Variants in ST6GALNAC3 observed in about 807,000 individuals in gnomAD.
ST6GALNAC3 encodes ST6 N-acetylgalactosaminide alpha-2,6-sialyltransferase 3, also known as alpha-N-acetylgalactosaminide alpha-2,6-sialyltransferase 3.
Under a neutral mutation model 32.7 loss-of-function variants are expected in ST6GALNAC3, and 25 were observed. The observed-to-expected ratio is 0.76, with a 90% CI of 0.56 to 1.07. The LOEUF is 1.07. ST6GALNAC3 is among the 50% of genes least tolerant of loss of function. The pLI, the probability that ST6GALNAC3 is intolerant of heterozygous loss-of-function variation, is 0.00. For synonymous variants in ST6GALNAC3, 129 were observed against 133.1 expected (o/e 0.97, Z 0.21); for missense variants, 355 against 382.4 (o/e 0.93, Z 0.60).
At chr1:76,502,670 T>C (rs1661242224) in intron 3 of ST6GALNAC3, among the ~76,000 whole-genome samples, 2 of 152,164 alleles carry the variant, frequency 1.3e-5, no homozygotes, top group Non-Finnish European at 2.9e-5. Flanking sequence ...ATTACCTCTA[T>C]AAAGACCCTA....
chr1:76,472,937 G>A (rs1208436738), intron 3 of ST6GALNAC3, among the ~76,000 whole-genome samples: 1 of 152,002 alleles, frequency 6.6e-6, no homozygotes, highest in African/African-American at 2.4e-5. Flanking sequence ...GGGGGAAGAA[G>A]GATTAATTGA....
chr1:76,608,762 C>A (rs534848649), intron 3 of ST6GALNAC3, among the ~76,000 whole-genome samples: 1 of 152,092 alleles, frequency 6.6e-6, no homozygotes, highest in East Asian at 1.9e-4. Flanking sequence ...AACGTTTTCC[C>A]CTCACTTCGT....
chr1:76,172,063 A>ATC (rs1297775011), intron 1 of ST6GALNAC3, among the ~76,000 whole-genome samples: 11 of 150,694 alleles, frequency 7.3e-5, no homozygotes, highest in Non-Finnish European at 1.2e-4. Flanking sequence ...TAAGCCAAAT[A>ATC]AACATTGATA....
At chr1:76,174,090 T>C (rs911649308) in intron 1 of ST6GALNAC3, among the ~76,000 whole-genome samples, 2 of 152,154 alleles carry the variant, frequency 1.3e-5, no homozygotes, top group African/African-American at 4.8e-5. Context: ...CCAACCCAAA[T>C]GCCCGTCAAT....
At chr1:76,330,083 G>A (rs1351476485) in intron 2 of ST6GALNAC3, among the ~76,000 whole-genome samples, 1 of 151,986 alleles carries the variant, frequency 6.6e-6, no homozygotes, top group Non-Finnish European at 1.5e-5. Flanking sequence ...GATTACAAGC[G>A]TAAGCCACCA....
At chr1:76,482,815 T>C (rs1287319006) in intron 3 of ST6GALNAC3, among the ~76,000 whole-genome samples, 1 of 151,976 alleles carries the variant, frequency 6.6e-6, no homozygotes, top group East Asian at 1.9e-4. Context: ...CATGCTGGTG[T>C]GCTGCACCCA....
chr1:76,086,544 G>A (rs141167211), intron 1 of ST6GALNAC3, among the ~76,000 whole-genome samples: 2 of 152,158 alleles, frequency 1.3e-5, no homozygotes, highest in Non-Finnish European at 2.9e-5. Context: ...CTATATTGAA[G>A]CCTATTTTTC....
At chr1:76,344,797 C>T (rs1648358085) in intron 2 of ST6GALNAC3, among the ~76,000 whole-genome samples, 1 of 152,126 alleles carries the variant, frequency 6.6e-6, no homozygotes, top group Non-Finnish European at 1.5e-5. Context: ...TTCTTGGGTA[C>T]TTCCCTGTCT....
chr1:76,409,817 AT>A (rs1180345844), intron 2 of ST6GALNAC3, among the ~76,000 whole-genome samples: 1 of 152,078 alleles, frequency 6.6e-6, no homozygotes, highest in South Asian at 2.1e-4. Flanking sequence ...AATATGGAGA[AT>A]TTTTTAAATC....
chr1:76,394,901 T>C (rs528569717), intron 2 of ST6GALNAC3, among the ~76,000 whole-genome samples: 1 of 152,278 alleles, frequency 6.6e-6, no homozygotes, highest in Non-Finnish European at 1.5e-5. Flanking sequence ...GAATTTTGCT[T>C]TTATTTTCTC....
chr1:76,143,817 G>T (rs967842092), intron 1 of ST6GALNAC3, among the ~76,000 whole-genome samples: 18 of 152,168 alleles, frequency 1.2e-4, no homozygotes, highest in Non-Finnish European at 2.4e-4. Flanking sequence ...TATGATAGGG[G>T]CTGCGGCTTA....
At chr1:76,214,766 C>T (rs1655362058) in intron 1 of ST6GALNAC3, among the ~76,000 whole-genome samples, 1 of 152,048 alleles carries the variant, frequency 6.6e-6, no homozygotes, top group Non-Finnish European at 1.5e-5. Context: ...TAGAAAAGTC[C>T]TTATGCTGTC....
intron 1 of ST6GALNAC3, among the ~76,000 whole-genome samples, chr1:76,279,254 GA>G (rs1659360542): frequency 6.6e-6 from 1 of 152,202 alleles, no homozygotes; most frequent in Non-Finnish European, 1.5e-5. Context: ...GTCAGTGATG[GA>G]AAACTTTGAT....
At chr1:76,243,911 G>A (rs1318236324) in intron 1 of ST6GALNAC3, among the ~76,000 whole-genome samples, 1 of 152,154 alleles carries the variant, frequency 6.6e-6, no homozygotes, top group African/African-American at 2.4e-5. Context: ...TTTTTGCTTA[G>A]GATTGTCTTG....
At chr1:76,197,015 C>G (rs1209846688) in intron 1 of ST6GALNAC3, among the ~76,000 whole-genome samples, 1 of 152,144 alleles carries the variant, frequency 6.6e-6, no homozygotes, top group East Asian at 1.9e-4. Context: ...CTAGCATGTC[C>G]TATTTTGCTG....
chr1:76,235,423 C>T (rs1171732312), intron 1 of ST6GALNAC3, among the ~76,000 whole-genome samples: 3 of 152,160 alleles, frequency 2.0e-5, no homozygotes, highest in Admixed American at 6.6e-5. Flanking sequence ...GGGAGGATCA[C>T]CTGAGCCTGA....
chr1:76,307,756 A>G (rs1661147151), intron 1 of ST6GALNAC3: 1 of 201,344 alleles, frequency 5.0e-6, no homozygotes, highest in Admixed American at 5.4e-5. Context: ...TTTTGTGGTT[A>G]AAGACTACTT....
intron 1 of ST6GALNAC3, among the ~76,000 whole-genome samples, chr1:76,126,063 T>C (rs1031634325): frequency 3.3e-5 from 5 of 152,200 alleles, no homozygotes; most frequent in Non-Finnish European, 5.9e-5. Flanking sequence ...TAAGTTAATA[T>C]AGAGACCCCC....
chr1:76,255,617 T>G (rs912323565), intron 1 of ST6GALNAC3, among the ~76,000 whole-genome samples: 4 of 152,156 alleles, frequency 2.6e-5, no homozygotes, highest in Non-Finnish European at 5.9e-5. Flanking sequence ...TGCACTTTGC[T>G]ACAGTCCCCA....
Sources: allele counts gnomAD v4.1 joint callset (sites outside exome capture counted in the v4.1 genomes callset), GRCh38; gene constraint gnomAD v4.1.1; transcripts MANE v1.5; gene names NCBI Gene and HGNC (gene_info 2026-07-23, HGNC 2026-07-21).